ADAMTS10: variants seen among roughly 807,000 people sequenced by gnomAD.
ADAMTS10 encodes the protein A disintegrin and metalloproteinase with thrombospondin motifs 10.
ADAMTS10 carries 48 observed loss-of-function variants against 135.9 expected under a neutral mutation model. The ratio of observed to expected loss-of-function variants is 0.35; its 90% CI spans 0.28 to 0.45. The LOEUF (loss-of-function observed/expected upper bound fraction) is 0.45, where lower values mean the gene tolerates loss of function less well. ADAMTS10 is among the 20% of genes least tolerant of loss of function. ADAMTS10 has a pLI of 1.00. For missense variants in ADAMTS10, 1,131 were observed against 1,565.2 expected (o/e 0.72, Z 4.68); for synonymous variants, 621 against 647.5 (o/e 0.96, Z 0.62).
Position 8,597,255 on chromosome 19 carries a change from G to A in ADAMTS10, c.873C>T (p.Leu291=), listed in dbSNP as rs139190281. 51 of 1,614,050 alleles carry A rather than the reference G, an allele frequency of 3.2e-5. No individual in the cohort carries two copies. In the African/African-American group the frequency reaches 4.9e-4, roughly 16 times the overall value. ...GCACCTGGTCCTCCGTGAGCAGGAT[G>A]AGGCGAGTTACGAGGATGTTAACGG... The part of the protein sequence containing the change: ...GSTVNILVTR[L]ILLTEDQPTL... The change falls in exon 7 of 26, where the codon CTC becomes CTT. Residue 291 remains leucine (L), a synonymous_variant. Transcript: ENST00000597188.
intron 5 of ADAMTS10, among the ~76,000 whole-genome samples, chr19:8,602,073 A>T (rs1555741680): frequency 1.3e-5 from 2 of 152,176 alleles, no homozygotes; most frequent in African/African-American, 4.8e-5. Flanking sequence ...GCAACTTTCC[A>T]ATCAATGCAC....
At chr19:8,599,874 G>A (rs1464385330) in intron 6 of ADAMTS10, among the ~76,000 whole-genome samples, 1 of 151,432 alleles carries the variant, frequency 6.6e-6, no homozygotes, top group African/African-American at 2.4e-5. Context: ...TTGCTCTGTT[G>A]CCCAGGCTGG....
chr19:8,592,154 C>G (rs782147933), intron 13 of ADAMTS10, 51 bp from the exon 14 acceptor site: 1 of 1,612,660 alleles, frequency 6.2e-7, no homozygotes, highest in Admixed American at 1.7e-5. Flanking sequence ...GGACACTCGT[C>G]GGCCCCATGC....
chr19:8,596,236 C>T lies in ADAMTS10; in HGVS notation c.1191-17G>A, dbSNP rs369103383. 7.9e-5 allele frequency: 127 copies of T among 1,613,290 alleles called. No individual in the cohort carries two copies. The highest frequency in any genetic ancestry group is 1.7e-4 in the Admixed American group (10 of 59,998). ...ATGCCGAATCTGGGGAAAGGGGTGTCGGCTCTGCCGGGCGCTGAGGGACCC... is the reference window on the plus strand; with the variant it reads ...ATGCCGAATCTGGGGAAAGGGGTGTTGGCTCTGCCGGGCGCTGAGGGACCC... On this transcript the variant is annotated splice_polypyrimidine_tract_variant and intron_variant, in intron 10 of 25. Coordinates refer to ENST00000597188, the MANE Select transcript of ADAMTS10 (RefSeq NM_030957.4). This position sits in a 1 kb window ranked among gnomAD's most constrained non-coding sequence, Gnocchi z 7.2.
chr19:8,606,116 A>T (rs903601283), intron 2 of ADAMTS10, among the ~76,000 whole-genome samples: 1 of 152,200 alleles, frequency 6.6e-6, no homozygotes, highest in Non-Finnish European at 1.5e-5. Flanking sequence ...GATGGAGTGC[A>T]GTGTTGTGAT....
chr19:8,587,143 T>TTTTC lies in ADAMTS10; in HGVS notation c.2159-251_2159-248dup, dbSNP rs34107175. ...AGCTAGGAAATGACTGGGTTAGGAT[T>TTTTC]TTTCTTTCTTTCTTTCTTTCTTTTT... On this transcript the variant is annotated intron_variant, in intron 18 of 25. Transcript: ENST00000597188. Among the ~76,000 whole-genome samples, 2,446 of 151,632 alleles carry TTTTC rather than the reference T, an allele frequency of 0.016. 14 individuals carry two copies. Among genetic ancestry groups the TTTTC allele is most frequent in the Non-Finnish European group, 0.024 (1,601 of 67,872 alleles).
intron 18 of ADAMTS10, among the ~76,000 whole-genome samples, chr19:8,588,311 C>G (rs1367152280): frequency 5.9e-5 from 9 of 151,802 alleles, no homozygotes; most frequent in African/African-American, 2.2e-4. Context: ...GTCTCAAACT[C>G]CTGGGCTCAA....
Position 8,599,139 on chromosome 19 carries a change from T to C in ADAMTS10, c.810+1789A>G, listed in dbSNP as rs370175460. On this transcript the variant is annotated intron_variant, in intron 6 of 25. Coordinates refer to ENST00000597188, the MANE Select transcript of ADAMTS10 (RefSeq NM_030957.4). ...ATCTCCATTTGATACACTGGTACGC[T>C]GAGGCTTAGAGAGGTCAAGAATCTC... is the stretch of plus-strand genomic sequence containing the variant. 1.5e-4 allele frequency among the ~76,000 whole-genome samples: 23 copies of C among 152,194 alleles called. No individual in the cohort carries two copies. The East Asian group carries it at 1.7e-3, about 11-fold the overall frequency.
At position 8,586,804 on chromosome 19, in the gene ADAMTS10, C is replaced by G. The variant is rs782297666; in HGVS notation, c.2239+12G>C. On this transcript the variant is annotated intron_variant, in intron 19 of 25. Transcript: ENST00000597188. ...ACCCCTAATCCTCATCCCCTCCCCA[C>G]CATCTGCTCACCCAAGTGACTGAGA... 1.9e-6 allele frequency: 3 copies of G among 1,614,148 alleles called. No individual in the cohort carries two copies. In the Admixed American group the frequency reaches 5.0e-5, roughly 27 times the overall value.
intron 23 of ADAMTS10, 23 bp downstream of exon 23, chr19:8,585,433 C>A (rs1297266743): frequency 2.0e-6 from 3 of 1,536,642 alleles, no homozygotes; most frequent in Non-Finnish European, 2.6e-6. Flanking sequence ...TCCCAGTGGG[C>A]GCGAAGGAAG....
At chr19:8,610,178 A>T (rs1251822755) in intron 1 of ADAMTS10, among the ~76,000 whole-genome samples, 1 of 151,664 alleles carries the variant, frequency 6.6e-6, no homozygotes, top group Non-Finnish European at 1.5e-5. Flanking sequence ...ACAGACCTAG[A>T]CACCCCCCCA....
rs781799076 is a variant in ADAMTS10, at chr19:8,592,109, T to TG, written c.1588-7dup. 53 of 1,613,056 alleles carry TG rather than the reference T, an allele frequency of 3.3e-5. No homozygotes were observed. Among genetic ancestry groups the TG allele is most frequent in the Admixed American group, 1.0e-4 (6 of 59,960 alleles). ...CAGACCCGTTTGTAGCACCACTGGG[T>TG]GGGGGGAGACAGGAAGGAGTGAGTC... is the stretch of plus-strand genomic sequence containing the variant. On this transcript the variant is annotated splice_polypyrimidine_tract_variant and splice_region_variant and intron_variant, in intron 13 of 25. Transcript: ENST00000597188.
chr19:8,585,757 C>T (rs2146040655), intron 22 of ADAMTS10, 97 bp from the exon 23 acceptor site: 1 of 1,272,914 alleles, frequency 7.9e-7, no homozygotes, highest in Non-Finnish European at 1.1e-6. Context: ...TTCCAATCAC[C>T]CAGCCTCATA....
chr19:8,595,702 T>TA, intron 12 of ADAMTS10, 60 bp downstream of exon 12: 98 of 894,140 alleles, frequency 1.1e-4, no homozygotes, highest in Non-Finnish European at 1.4e-4. Flanking sequence ...TGGAGTTCCC[T>TA]CCCCCAGCCC....
intron 25 of ADAMTS10, among the ~76,000 whole-genome samples, chr19:8,583,059 C>CA (rs566494754): frequency 6.6e-6 from 1 of 150,396 alleles, no homozygotes; most frequent in Non-Finnish European, 1.5e-5. Flanking sequence ...GCTGGGATTA[C>CA]AGGCATGAGC....
At chr19:8,595,698 T>TACCCAC in intron 12 of ADAMTS10, 64 bp downstream of exon 12, 1 of 1,291,948 alleles carries the variant, frequency 7.7e-7, no homozygotes, top group Non-Finnish European at 1.1e-6. Context: ...CTGGTGGAGT[T>TACCCAC]CCCTCCCCCA....
At chr19:8,586,017 C>G (rs1391467592) in intron 22 of ADAMTS10, 105 bp downstream of exon 22, 2 of 1,569,598 alleles carry the variant, frequency 1.3e-6, no homozygotes, top group Non-Finnish European at 8.7e-7. Flanking sequence ...ACTGTCACTC[C>G]GACTCTGCAC....
chr19:8,590,022 G>T, intron 15 of ADAMTS10, 31 bp from the exon 16 acceptor site: 1 of 1,528,784 alleles, frequency 6.5e-7, no homozygotes, highest in Non-Finnish European at 9.0e-7. Flanking sequence ...ATGGAGGGAG[G>T]CCAGGCTTGG....
At position 8,590,128 on chromosome 19, in the gene ADAMTS10, G is replaced by T. The variant is rs572205955; in HGVS notation, c.1798-137C>A. ...CAGGGAGGAGGCTGTGGTGGTCTGC[G>T]TGAGACTAGGCCTGGAAGGTAGCCT... On this transcript the variant is annotated intron_variant, in intron 15 of 25. Coordinates refer to ENST00000597188, the MANE Select transcript of ADAMTS10 (RefSeq NM_030957.4). The T allele has an allele frequency of 1.9e-5, 13 of 680,186 alleles. No individual in the cohort carries two copies. The South Asian group carries it at 2.1e-4, about 11-fold the overall frequency. The allele number at this position is 680,186 out of a possible 1,614,324, so 42.1% of individuals were successfully genotyped here. A position where few individuals can be genotyped will look rare whatever the true frequency, so the allele number is the denominator to read the frequency against.
Sources: allele counts gnomAD v4.1 joint callset (sites outside exome capture counted in the v4.1 genomes callset), GRCh38; gene constraint gnomAD v4.1.1; non-coding constraint Gnocchi (gnomAD v3.1); transcripts MANE v1.5; gene names NCBI Gene and HGNC (gene_info 2026-07-23, HGNC 2026-07-21).